TENM1: variants seen among roughly 807,000 people sequenced by gnomAD.
TENM1 encodes the protein teneurin-1.
Under a neutral mutation model 174.8 loss-of-function variants are expected in TENM1, and 35 were observed. That is an observed-to-expected ratio of 0.20 (90% CI 0.15 to 0.27). The LOEUF is 0.27. Among genes scored for constraint, TENM1 ranks in the 10% least tolerant of loss-of-function variants. The probability of loss-of-function intolerance (pLI) is 1.00; values close to 1 mark genes in which losing one functional copy is unlikely to be tolerated. For missense variants in TENM1, 1,633 were observed against 2,130.1 expected (o/e 0.77, Z 4.59); for synonymous variants, 781 against 798.7 (o/e 0.98, Z 0.37).
Position 124,606,562 on chromosome X carries a change from G to C in TENM1, c.2077+35229C>G, listed in dbSNP as rs763470763. ...GAAGGGAGAGGAAACAAGATGGTTA[G>C]ATACATTAATGTCTAAGATTTTGTC... On this transcript the variant is annotated intron_variant, in intron 11 of 31. Transcript: ENST00000422452. Among the ~76,000 whole-genome samples the C allele has an allele frequency of 5.4e-5, 6 of 111,559 alleles. No homozygotes were observed. In the South Asian group the frequency reaches 1.5e-3, roughly 28 times the overall value.
intron 3 of TENM1, among the ~76,000 whole-genome samples, chrX:124,851,584 C>T (rs182913608): frequency 0.012 from 1,324 of 110,683 alleles, 13 homozygotes; most frequent in African/African-American, 0.041. Context: ...CATATTGGCT[C>T]AGAGCATAAT....
intron 22 of TENM1, among the ~76,000 whole-genome samples, chrX:124,461,361 C>G (rs891264294): frequency 1.8e-5 from 2 of 111,815 alleles, no homozygotes; most frequent in African/African-American, 6.5e-5. Flanking sequence ...AAAAATAGAA[C>G]TATCATATGA....
At chrX:124,509,094 C>CAA (rs1195152048) in intron 18 of TENM1, among the ~76,000 whole-genome samples, 8 of 104,663 alleles carry the variant, frequency 7.6e-5, no homozygotes, top group East Asian at 3.2e-4. Context: ...CACACACAAA[C>CAA]ACACACACAC....
the TENM1 span, among the ~76,000 whole-genome samples, chrX:125,136,066 C>A: frequency 3.6e-5 from 4 of 111,648 alleles, no homozygotes; most frequent in African/African-American, 1.3e-4. Context: ...TTTTCTAATG[C>A]TGTCTCAGCA....
chrX:124,702,592 T>G (rs1309155293), intron 5 of TENM1, among the ~76,000 whole-genome samples: 1 of 112,230 alleles, frequency 8.9e-6, no homozygotes, highest in African/African-American at 3.2e-5. Flanking sequence ...AAAAAATATC[T>G]GGTGGATTTA....
chrX:125,131,053 A>T, the TENM1 span, among the ~76,000 whole-genome samples: 1 of 112,267 alleles, frequency 8.9e-6, no homozygotes, highest in Admixed American at 9.4e-5. Context: ...ATTTTCAAAC[A>T]GCAAAACACA....
intron 22 of TENM1, among the ~76,000 whole-genome samples, chrX:124,463,233 A>C (rs1603276506): frequency 9.0e-6 from 1 of 111,635 alleles, no homozygotes; most frequent in East Asian, 2.8e-4. Flanking sequence ...ATAGCTGTAG[A>C]ACTTTGGATA....
the TENM1 span, among the ~76,000 whole-genome samples, chrX:125,110,564 C>T: frequency 9.3e-6 from 1 of 107,942 alleles, no homozygotes; most frequent in Non-Finnish European, 1.9e-5. Context: ...CAGCACTGTC[C>T]TAGCTGCTGT....
chrX:124,986,364 A>G, the TENM1 span, among the ~76,000 whole-genome samples: 2 of 111,255 alleles, frequency 1.8e-5, no homozygotes, highest in African/African-American at 6.5e-5. Flanking sequence ...AGAAGCTGAA[A>G]GACCCTTTAA....
chrX:124,839,108 G>A (rs180867103), intron 3 of TENM1, among the ~76,000 whole-genome samples: 51 of 111,123 alleles, frequency 4.6e-4, no homozygotes, highest in African/African-American at 1.6e-3. Context: ...TATTACACAG[G>A]AACAAATTAT....
chrX:124,844,316 A>G (rs868729491), intron 3 of TENM1, among the ~76,000 whole-genome samples: 6 of 112,040 alleles, frequency 5.4e-5, no homozygotes, highest in East Asian at 2.8e-4. Context: ...TAATTAATCA[A>G]TTCCAGAATC....
chrX:124,738,390 G>C (rs1325050616), intron 3 of TENM1, among the ~76,000 whole-genome samples: 1 of 111,759 alleles, frequency 8.9e-6, no homozygotes, highest in Non-Finnish European at 1.9e-5. Context: ...AAAGACATTG[G>C]CATGGTTTTT....
intron 5 of TENM1, among the ~76,000 whole-genome samples, chrX:124,687,982 T>C (rs961699208): frequency 1.6e-4 from 18 of 111,811 alleles, no homozygotes; most frequent in Non-Finnish European, 3.4e-4. Context: ...CGAAATCTAA[T>C]GTATAGCATG....
intron 26 of TENM1, 65 bp from the exon 30 acceptor site, chrX:124,405,331 A>C: frequency 1.0e-6 from 1 of 992,183 alleles, no homozygotes; most frequent in East Asian, 3.1e-5. Flanking sequence ...CAGAAAAGAG[A>C]CAGGTTTAGT....
intron 11 of TENM1, among the ~76,000 whole-genome samples, chrX:124,570,432 T>C (rs1051378042): frequency 3.6e-5 from 4 of 111,448 alleles, no homozygotes; most frequent in African/African-American, 1.3e-4. Flanking sequence ...AAGATCTCAT[T>C]CATGGATACA....
intron 11 of TENM1, among the ~76,000 whole-genome samples, chrX:124,589,435 G>T (rs940731603): frequency 9.1e-6 from 1 of 110,158 alleles, no homozygotes; most frequent in Non-Finnish European, 1.9e-5. Flanking sequence ...TGCCTTCATA[G>T]AATTAGTTAG....
intron 3 of TENM1, among the ~76,000 whole-genome samples, chrX:124,886,542 T>TAGAGAGAG (rs1193540402): frequency 1.8e-3 from 161 of 88,626 alleles, no homozygotes; most frequent in African/African-American, 6.9e-3. Context: ...TATATATATA[T>TAGAGAGAG]ATATATAGAG....
intron 3 of TENM1, among the ~76,000 whole-genome samples, chrX:124,844,623 C>A (rs746942073): frequency 9.0e-6 from 1 of 111,250 alleles, no homozygotes; most frequent in Non-Finnish European, 1.9e-5. Context: ...TAACCACAGG[C>A]CCTTCCACAG....
Position 124,819,478 on chromosome X carries a change from T to C in TENM1, c.535+74818A>G, listed in dbSNP as rs149042020. On this transcript the variant is annotated intron_variant, in intron 3 of 31. Transcript: ENST00000422452. ...ATAGACCAGAATCTAGAATTGGCAC[T>C]AGATCATACGGTCTCAGTGGTGTGA... Among the ~76,000 whole-genome samples, 374 of 111,353 alleles carry C rather than the reference T, an allele frequency of 3.4e-3. 2 individuals are homozygous for C. Among genetic ancestry groups the C allele is most frequent in the African/African-American group, 0.011 (352 of 30,662 alleles).
Sources: gnomAD v4.1 joint callset for allele counts (sites outside exome capture counted in the v4.1 genomes callset) on GRCh38, gnomAD v4.1.1 for gene constraint, MANE v1.5 for transcripts, NCBI Gene and HGNC (gene_info 2026-07-23, HGNC 2026-07-21) for gene names.